Variants in EDA observed in about 807,000 individuals in gnomAD.
The protein encoded by EDA is ectodysplasin-A.
A neutral mutation model predicts 23.6 loss-of-function variants in EDA; 2 were observed. The observed-to-expected ratio is 0.08, with a 90% CI of 0.03 to 0.27. EDA has a LOEUF of 0.27. Among genes scored for constraint, EDA ranks in the 10% least tolerant of loss-of-function variants. The pLI is 1.00. For missense variants in EDA, 229 were observed against 324.2 expected, an observed-to-expected ratio of 0.71 and a Z score of 2.26; for synonymous variants, 131 against 132.0, an observed-to-expected ratio of 0.99 and a Z score of 0.05.
chrX:69,826,903 A>G (rs1235850405), intron 1 of EDA, among the ~76,000 whole-genome samples: 3 of 112,357 alleles, frequency 2.7e-5, no homozygotes, highest in African/African-American at 9.7e-5. Flanking sequence ...TGGTGGTGAC[A>G]AAATCTCTCA....
intron 1 of EDA, among the ~76,000 whole-genome samples, chrX:69,788,296 A>G (rs2015269021): frequency 8.9e-6 from 1 of 112,704 alleles, no homozygotes; most frequent in African/African-American, 3.2e-5. Context: ...TCAGCTCGTC[A>G]AAGTCCTTCT....
intron 1 of EDA, among the ~76,000 whole-genome samples, chrX:69,668,235 C>T (rs1174812140): frequency 1.8e-5 from 2 of 111,729 alleles, no homozygotes. Flanking sequence ...CTTCTTTGAT[C>T]CAGGGCATGT....
chrX:69,881,160 C>T (rs952150098), intron 1 of EDA, among the ~76,000 whole-genome samples: 5 of 111,195 alleles, frequency 4.5e-5, no homozygotes, highest in Non-Finnish European at 9.4e-5. Flanking sequence ...AGGGCCAGCC[C>T]CTTTGCAACT....
At chrX:69,825,346 T>C in intron 1 of EDA, among the ~76,000 whole-genome samples, 1 of 106,059 alleles carries the variant, frequency 9.4e-6, no homozygotes, top group Middle Eastern at 4.7e-3. Context: ...TTTTGGTTGG[T>C]AAGCTATTGA....
chrX:69,916,797 T>C (rs1158589666), intron 1 of EDA, among the ~76,000 whole-genome samples: 3 of 111,072 alleles, frequency 2.7e-5, no homozygotes, highest in Non-Finnish European at 5.7e-5. Context: ...ATACTCTTTA[T>C]TGAGTTCATA....
chrX:70,034,938 C>A (rs1283264272), intron 7 of EDA, among the ~76,000 whole-genome samples: 1 of 110,833 alleles, frequency 9.0e-6, no homozygotes, highest in Admixed American at 9.5e-5. Context: ...CTAAGTTTCT[C>A]CACAAATAGT....
At chrX:69,713,869 T>C (rs1198730851) in intron 1 of EDA, among the ~76,000 whole-genome samples, 1 of 110,731 alleles carries the variant, frequency 9.0e-6, no homozygotes, top group African/African-American at 3.3e-5. Context: ...TTTATTTTTC[T>C]GGGATAAATG....
At chrX:69,978,788 T>A (rs992327143) in intron 2 of EDA, among the ~76,000 whole-genome samples, 1 of 111,835 alleles carries the variant, frequency 8.9e-6, no homozygotes, top group African/African-American at 3.2e-5. Flanking sequence ...ATCAATGGAT[T>A]CATACACTAC....
At chrX:69,826,862 A>G (rs1449592542) in intron 1 of EDA, among the ~76,000 whole-genome samples, 1 of 111,017 alleles carries the variant, frequency 9.0e-6, no homozygotes, top group African/African-American at 3.3e-5. Flanking sequence ...CATGTTTAGC[A>G]CTTCCTTCAG....
chrX:69,952,646 T>C (rs944944712), intron 1 of EDA, among the ~76,000 whole-genome samples: 1 of 112,100 alleles, frequency 8.9e-6, no homozygotes. Context: ...ATGTCCCATA[T>C]TCATCAACAA....
intron 1 of EDA, among the ~76,000 whole-genome samples, chrX:69,695,946 G>A (rs1002058383): frequency 2.7e-5 from 3 of 110,482 alleles, no homozygotes; most frequent in African/African-American, 9.8e-5. Context: ...TTCCTATTAC[G>A]AGCAGATCAA....
intron 1 of EDA, among the ~76,000 whole-genome samples, chrX:69,765,556 G>A (rs190825979): frequency 1.5e-3 from 165 of 112,036 alleles, no homozygotes; most frequent in African/African-American, 5.2e-3. Context: ...TGTTTGCAAT[G>A]TGTTGGTTTT....
chrX:70,029,159 G>A (rs763014852), intron 4 of EDA, among the ~76,000 whole-genome samples: 21 of 112,906 alleles, frequency 1.9e-4, no homozygotes, highest in African/African-American at 5.5e-4. Flanking sequence ...TAGAAAGGGA[G>A]CAAAACACTA....
chrX:69,788,454 G>A lies in EDA; in HGVS notation c.397-168573G>A, dbSNP rs758391180. ...ACTTTTGGTCTTTGATGATGGTGAT[G>A]TACAGATGGGTTTTTGGTGTGGCTG... On this transcript the variant is annotated intron_variant, in intron 1 of 7. Transcript: ENST00000374552. 6.4e-3 allele frequency among the ~76,000 whole-genome samples: 714 copies of A among 111,958 alleles called. 2 individuals carry two copies. The highest frequency in any genetic ancestry group is 0.026 in the South Asian group (70 of 2,665).
At chrX:69,890,700 G>A (rs1455729365) in intron 1 of EDA, among the ~76,000 whole-genome samples, 1 of 111,534 alleles carries the variant, frequency 9.0e-6, no homozygotes. Context: ...CTAGCCATAT[G>A]AAGAAAATTG....
chrX:69,757,323 A>T (rs778234920), intron 1 of EDA, among the ~76,000 whole-genome samples: 223 of 111,870 alleles, frequency 2.0e-3, no homozygotes, highest in Non-Finnish European at 3.6e-3. Flanking sequence ...AAAGAGGGGG[A>T]GTGCTAACTC....
chrX:69,838,478 T>G (rs966077690), intron 1 of EDA, among the ~76,000 whole-genome samples: 1 of 111,058 alleles, frequency 9.0e-6, no homozygotes, highest in African/African-American at 3.3e-5. Flanking sequence ...ATACAAAAAA[T>G]TAGCCGGGCG....
intron 1 of EDA, among the ~76,000 whole-genome samples, chrX:69,822,943 G>A (rs1347690028): frequency 1.5e-4 from 14 of 95,678 alleles, no homozygotes; most frequent in East Asian, 3.5e-4. Flanking sequence ...GAGAATATGC[G>A]GTGTTTTGTT....
intron 1 of EDA, among the ~76,000 whole-genome samples, chrX:69,845,397 C>T (rs913146762): frequency 2.7e-5 from 3 of 111,931 alleles, no homozygotes; most frequent in African/African-American, 9.7e-5. Flanking sequence ...CTTTGACATA[C>T]TTTTGTCTCC....
Sources: allele counts gnomAD v4.1 joint callset (sites outside exome capture counted in the v4.1 genomes callset), GRCh38; gene constraint gnomAD v4.1.1; transcripts MANE v1.5; gene names NCBI Gene and HGNC (gene_info 2026-07-23, HGNC 2026-07-21).